KAT2B: variants seen among roughly 807,000 people sequenced by gnomAD.
KAT2B encodes the protein histone acetyltransferase KAT2B.
A neutral mutation model predicts 105.9 loss-of-function variants in KAT2B; 36 were observed. The observed-to-expected ratio is 0.34, with a 90% CI of 0.26 to 0.45. The LOEUF (loss-of-function observed/expected upper bound fraction) is 0.45, where lower values mean the gene tolerates loss of function less well. KAT2B is among the 20% of genes least tolerant of loss of function. The pLI is 1.00. For synonymous variants in KAT2B, 397 were observed against 377.9 expected, an observed-to-expected ratio of 1.05 and a Z score of -0.59; for missense variants, 820 against 1,021.6, an observed-to-expected ratio of 0.80 and a Z score of 2.69.
At chr3:20,146,957 G>T (rs1699792392) in intron 14 of KAT2B, among the ~76,000 whole-genome samples, 1 of 152,132 alleles carries the variant, frequency 6.6e-6, no homozygotes, top group Non-Finnish European at 1.5e-5. Flanking sequence ...ATGTGTGGTG[G>T]AAATCATATA....
chr3:20,134,804 T>C (rs538527721), intron 11 of KAT2B, among the ~76,000 whole-genome samples: 1 of 152,174 alleles, frequency 6.6e-6, no homozygotes, highest in Non-Finnish European at 1.5e-5. Context: ...GCAAGTCACA[T>C]AAGTAATTTC....
chr3:20,099,180 T>G (rs1001241636), intron 3 of KAT2B, among the ~76,000 whole-genome samples: 1 of 152,184 alleles, frequency 6.6e-6, no homozygotes, highest in African/African-American at 2.4e-5. Context: ...TGGCAGGAAT[T>G]AAGAGCAGTG....
intron 1 of KAT2B, among the ~76,000 whole-genome samples, chr3:20,069,189 G>C (rs904831896): frequency 1.3e-5 from 2 of 152,222 alleles, no homozygotes; most frequent in African/African-American, 4.8e-5. Flanking sequence ...CAAGGAGGTA[G>C]TTAGAACTTG....
chr3:20,151,558 G>A lies in KAT2B; in HGVS notation c.2306-774G>A, dbSNP rs190772077. Among the ~76,000 whole-genome samples, 329 of 152,130 alleles carry A rather than the reference G, an allele frequency of 2.2e-3. 2 individuals are homozygous for A. Among genetic ancestry groups the A allele is most frequent in the Non-Finnish European group, 3.7e-3 (254 of 67,980 alleles). ...GAACCATAAATAGACAAATGTTAGC[G>A]TCTATTCTAATCTGCATAGAATTCC... is the stretch of plus-strand genomic sequence containing the variant. On this transcript the variant is annotated intron_variant, in intron 17 of 17. Coordinates refer to ENST00000263754, the MANE Select transcript of KAT2B (RefSeq NM_003884.5).
Position 20,152,907 on chromosome 3 carries a change from T to C in KAT2B, c.*382T>C, listed in dbSNP as rs1699893351. On this transcript the variant is annotated 3_prime_UTR_variant, in exon 18 of 18. Transcript: ENST00000263754. ...GACCATGAATGAATGTTTCCATTTT[T>C]TTCTAATGGAATGTGAGAGTTTACT... 1 of 155,946 alleles carries C rather than the reference T, an allele frequency of 6.4e-6. No individual in the cohort carries two copies. The highest frequency in any genetic ancestry group is 2.4e-5 in the African/African-American group (1 of 41,514). The allele number at this position is 155,946 out of a possible 1,614,324, so 9.7% of individuals were successfully genotyped here.
intron 5 of KAT2B, among the ~76,000 whole-genome samples, chr3:20,111,088 C>A (rs1699113102): frequency 6.6e-6 from 1 of 152,158 alleles, no homozygotes; most frequent in Non-Finnish European, 1.5e-5. Flanking sequence ...AATTCTGATT[C>A]TTTCACAAAA....
At chr3:20,111,897 C>A in intron 6 of KAT2B, 110 bp downstream of exon 6, 1 of 846,926 alleles carries the variant, frequency 1.2e-6, no homozygotes, top group Non-Finnish European at 1.8e-6. Context: ...AAGAAACATT[C>A]CAAGGGGATG....
intron 7 of KAT2B, among the ~76,000 whole-genome samples, chr3:20,117,305 G>A (rs1699223286): frequency 6.6e-6 from 1 of 152,208 alleles, no homozygotes; most frequent in Admixed American, 6.5e-5. Flanking sequence ...GAAGTGGGCT[G>A]TCTTCTCTTG....
intron 7 of KAT2B, 38 bp downstream of exon 7, chr3:20,115,026 G>A (rs2125168558): frequency 1.6e-6 from 2 of 1,279,400 alleles, no homozygotes; most frequent in Non-Finnish European, 2.3e-6. Context: ...AACAACCAGG[G>A]AGGCCAACCT....
chr3:20,058,560 C>T (rs896399698), intron 1 of KAT2B, among the ~76,000 whole-genome samples: 2 of 151,680 alleles, frequency 1.3e-5, no homozygotes, highest in African/African-American at 4.8e-5. Context: ...CAATCCCAGG[C>T]AGTTTTGTTC....
Position 20,147,961 on chromosome 3 carries a change from A to G in KAT2B, c.2120-2A>G. ...TCAGTGTTTCACTTTGTTGACGTAT[A>G]GGAGAGACAGGCTGGAAACCGAGTG... On this transcript the variant is annotated splice_acceptor_variant, in intron 14 of 17. Transcript: ENST00000263754. LOFTEE classifies it high-confidence loss of function. 6.2e-7 allele frequency: 1 copy of G among 1,613,558 alleles called. No homozygotes were observed. The highest frequency in any genetic ancestry group is 8.5e-7 in the Non-Finnish European group (1 of 1,179,616).
chr3:20,055,689 T>C (rs1413143578), intron 1 of KAT2B, among the ~76,000 whole-genome samples: 1 of 152,082 alleles, frequency 6.6e-6, no homozygotes, highest in Non-Finnish European at 1.5e-5. Flanking sequence ...GGGGGCCAGA[T>C]TGCCAACATA....
chr3:20,128,095 G>T (rs1463281486), intron 11 of KAT2B, among the ~76,000 whole-genome samples: 4 of 152,200 alleles, frequency 2.6e-5, no homozygotes, highest in Admixed American at 2.6e-4. Context: ...AACAAGTAGG[G>T]TTGTACCAAG....
chr3:20,078,834 C>T (rs1698467163), intron 2 of KAT2B, among the ~76,000 whole-genome samples: 1 of 150,762 alleles, frequency 6.6e-6, no homozygotes, highest in Non-Finnish European at 1.5e-5. Flanking sequence ...TTAGGCAGAC[C>T]CCTCACCCTA....
At chr3:20,100,349 A>G (rs1197426582) in intron 4 of KAT2B, among the ~76,000 whole-genome samples, 1 of 152,184 alleles carries the variant, frequency 6.6e-6, no homozygotes, top group Non-Finnish European at 1.5e-5. Context: ...TGTGAAAAAC[A>G]TTGTAAGTCA....
In KAT2B at chr3:20,049,875, T is replaced by C. The variant is rs114217993; in HGVS notation, c.303+9095T>C. On this transcript the variant is annotated intron_variant, in intron 1 of 17. Coordinates refer to ENST00000263754, the MANE Select transcript of KAT2B (RefSeq NM_003884.5). ...CAGGCTATAGAAGGTGCCAAATGTGTCAGAAAGTTAAGAAATTGACTGTCT... is the reference window on the plus strand; with the variant it reads ...CAGGCTATAGAAGGTGCCAAATGTGCCAGAAAGTTAAGAAATTGACTGTCT... Among the ~76,000 whole-genome samples, 485 of 152,246 alleles carry C rather than the reference T, an allele frequency of 3.2e-3. 3 individuals carry two copies. The highest frequency in any genetic ancestry group is 0.011 in the African/African-American group (467 of 41,534).
intron 1 of KAT2B, among the ~76,000 whole-genome samples, chr3:20,067,668 T>C (rs553694597): frequency 7.2e-4 from 109 of 152,184 alleles, no homozygotes; most frequent in Non-Finnish European, 1.2e-3. Context: ...TCTTTATTTA[T>C]TTTTTTATAT....
intron 2 of KAT2B, among the ~76,000 whole-genome samples, chr3:20,093,096 C>A (rs7618597): frequency 0.19 from 28,657 of 152,136 alleles, 2,804 homozygotes; most frequent in Middle Eastern, 0.24. Flanking sequence ...TCTTAACTCT[C>A]TGAAAATGCA....
chr3:20,081,009 C>G (rs1698509866), intron 2 of KAT2B, among the ~76,000 whole-genome samples: 2 of 151,976 alleles, frequency 1.3e-5, no homozygotes, highest in Non-Finnish European at 2.9e-5. Flanking sequence ...TTAGGCTTCT[C>G]TTTTTTTTCA....
Sources: allele counts gnomAD v4.1 joint callset (sites outside exome capture counted in the v4.1 genomes callset), GRCh38; gene constraint gnomAD v4.1.1; transcripts MANE v1.5; gene names NCBI Gene and HGNC (gene_info 2026-07-23, HGNC 2026-07-21).